AGBL1: variants seen among roughly 807,000 people sequenced by gnomAD.
AGBL1 encodes cytosolic carboxypeptidase 4.
In AGBL1, 130 loss-of-function variants were observed where a neutral mutation model predicts 118.9. The ratio of observed to expected loss-of-function variants is 1.09; its 90% CI spans 0.95 to 1.26. The LOEUF is 1.26. Ranked by LOEUF, AGBL1 falls within the 50% of genes most tolerant of loss-of-function variation. The pLI is 0.00. For missense variants in AGBL1, 1,584 were observed against 1,298.1 expected, an observed-to-expected ratio of 1.22 and a Z score of -3.38; for synonymous variants, 555 against 478.9, an observed-to-expected ratio of 1.16 and a Z score of -2.08.
intron 1 of AGBL1, among the ~76,000 whole-genome samples, chr15:86,134,334 G>A (rs113078700): frequency 5.8e-4 from 88 of 152,300 alleles, no homozygotes; most frequent in Non-Finnish European, 1.1e-3. Flanking sequence ...TATGAGCTGT[G>A]TCCTGAGCTC....
chr15:86,854,458 C>G (rs2079450077), intron 22 of AGBL1, among the ~76,000 whole-genome samples: 1 of 152,082 alleles, frequency 6.6e-6, no homozygotes, highest in Non-Finnish European at 1.5e-5. Context: ...GACAGGAGGC[C>G]CAACTGGATG....
rs1231479239 is a variant in AGBL1, at chr15:86,196,872, C to CGCGCGT, written c.489-28037_489-28036insTGCGCG. On this transcript the variant is annotated intron_variant, in intron 5 of 22. Transcript: ENST00000614907. ...GCATATGCGAATGTGCACATGTGCG[C>CGCGCGT]GCGCGCGCACACACACACACACACA... Among the ~76,000 whole-genome samples, 295 of 92,532 alleles carry CGCGCGT rather than the reference C, an allele frequency of 3.2e-3. 1 individual carries two copies. Among genetic ancestry groups the CGCGCGT allele is most frequent in the African/African-American group, 0.014 (282 of 20,580 alleles). The allele number at this position is 92,532 out of a possible 152,430, so 60.7% of individuals were successfully genotyped here.
chr15:86,123,701 T>C (rs140263855), intron 1 of AGBL1, among the ~76,000 whole-genome samples: 74 of 152,344 alleles, frequency 4.9e-4, no homozygotes, highest in African/African-American at 1.7e-3. Flanking sequence ...AACCAATGTA[T>C]ATCTTACATG....
chr15:86,972,498 A>AG lies in AGBL1; in HGVS notation c.3222-15489_3222-15488insG, dbSNP rs1313435833. Among the ~76,000 whole-genome samples the AG allele has an allele frequency of 1.1e-4, 16 of 152,130 alleles. No individual in the cohort carries two copies. In the East Asian group the frequency reaches 2.3e-3, roughly 22 times the overall value. ...CGTTTTTTATTTACTGAAATTATTAAATTTATAACTTCTGATTTGAAAATA... is the reference window on the plus strand; with the variant it reads ...CGTTTTTTATTTACTGAAATTATTAAGATTTATAACTTCTGATTTGAAAATA... On this transcript the variant is annotated intron_variant, in intron 23 of 24. Coordinates refer to the AGBL1 transcript ENST00000441037.
At chr15:86,657,146 A>T (rs1011036548) in intron 21 of AGBL1, among the ~76,000 whole-genome samples, 2 of 152,118 alleles carry the variant, frequency 1.3e-5, no homozygotes, top group Non-Finnish European at 2.9e-5. Context: ...ACTGTCTACC[A>T]TGCCCCTTCC....
rs145301684 is a variant in AGBL1, at chr15:86,103,435, C to T, written c.51+23412C>T. On this transcript the variant is annotated intron_variant, in intron 1 of 22. Coordinates refer to ENST00000614907, the MANE Select transcript of AGBL1 (RefSeq NM_001386094.1). ...CCTTGCTTTTTCATGTTTCGTTTGT[C>T]CTTATGTTGATATCTGCGCATCTGG... Among the ~76,000 whole-genome samples, 10 of 152,030 alleles carry T rather than the reference C, an allele frequency of 6.6e-5. No homozygotes were observed. The East Asian group carries it at 1.9e-3, about 29-fold the overall frequency.
intron 22 of AGBL1, among the ~76,000 whole-genome samples, chr15:86,772,125 A>C (rs72750011): frequency 0.033 from 5,073 of 152,120 alleles, 128 homozygotes; most frequent in Non-Finnish European, 0.051. Context: ...TCTGCCCAGC[A>C]TCTCCTTCAG....
At chr15:86,662,148 G>T (rs978605793) in intron 21 of AGBL1, among the ~76,000 whole-genome samples, 1 of 152,138 alleles carries the variant, frequency 6.6e-6, no homozygotes, top group African/African-American at 2.4e-5. Flanking sequence ...GCAAAACTAA[G>T]CAAAGATGAG....
chr15:86,194,473 A>G (rs1880445170), intron 5 of AGBL1, among the ~76,000 whole-genome samples: 1 of 152,186 alleles, frequency 6.6e-6, no homozygotes, highest in South Asian at 2.1e-4. Context: ...TTTCCAATCC[A>G]GAATGCTGTT....
At chr15:86,101,687 G>C (rs1896731116) in intron 1 of AGBL1, among the ~76,000 whole-genome samples, 1 of 148,094 alleles carries the variant, frequency 6.8e-6, no homozygotes, top group Non-Finnish European at 1.5e-5. Context: ...TATAAGTATA[G>C]CTACTGCTGT....
At chr15:86,219,739 C>A (rs1197960067) in intron 5 of AGBL1, among the ~76,000 whole-genome samples, 8 of 152,080 alleles carry the variant, frequency 5.3e-5, no homozygotes, top group Admixed American at 2.0e-4. Context: ...AAGTTGTTTG[C>A]CTCATTGGCT....
chr15:86,680,536 CT>C (rs1398404077), intron 22 of AGBL1, among the ~76,000 whole-genome samples: 3 of 127,038 alleles, frequency 2.4e-5, no homozygotes, highest in African/African-American at 8.7e-5. Flanking sequence ...TTTTCTTTTT[CT>C]TTTCTTTTTT....
At chr15:86,965,261 G>A (rs570708777) in intron 23 of AGBL1, among the ~76,000 whole-genome samples, 10 of 152,160 alleles carry the variant, frequency 6.6e-5, no homozygotes, top group Non-Finnish European at 8.8e-5. Flanking sequence ...GTCTAAAAGC[G>A]TTTCTATTTC....
chr15:86,430,338 A>G (rs1300152643), intron 18 of AGBL1, among the ~76,000 whole-genome samples: 1 of 151,994 alleles, frequency 6.6e-6, no homozygotes, highest in Non-Finnish European at 1.5e-5. Flanking sequence ...CTACTAAAAT[A>G]CAAAAAATTA....
At chr15:86,346,964 T>G (rs935914964) in intron 17 of AGBL1, among the ~76,000 whole-genome samples, 2 of 152,200 alleles carry the variant, frequency 1.3e-5, no homozygotes, top group Admixed American at 1.3e-4. Context: ...CATCTGATGC[T>G]TCGTTTACAC....
intron 21 of AGBL1, among the ~76,000 whole-genome samples, chr15:86,582,492 C>A (rs1230774728): frequency 1.3e-5 from 2 of 152,060 alleles, no homozygotes; most frequent in Admixed American, 1.3e-4. Context: ...TAGCATTTGA[C>A]CCAGCCATCC....
At chr15:86,677,487 G>A (rs1039537343) in intron 22 of AGBL1, among the ~76,000 whole-genome samples, 26 of 152,108 alleles carry the variant, frequency 1.7e-4, no homozygotes, top group African/African-American at 5.1e-4. Context: ...AGGAGGAGCC[G>A]TTTATCCATT....
chr15:86,351,303 C>T lies in AGBL1; in HGVS notation c.2375-46063C>T, dbSNP rs187340194. On this transcript the variant is annotated intron_variant, in intron 17 of 22. Transcript: ENST00000614907. Reference sequence around the variant, plus strand: ...CACTCCTATGATAACAGCATTAATCCATTAATGAGGGCAAAGTCCTTATGG... The same window carrying T: ...CACTCCTATGATAACAGCATTAATCTATTAATGAGGGCAAAGTCCTTATGG... 2.6e-5 allele frequency among the ~76,000 whole-genome samples: 4 copies of T among 152,224 alleles called. No individual in the cohort carries two copies. In the East Asian group the frequency reaches 7.7e-4, roughly 29 times the overall value.
intron 23 of AGBL1, among the ~76,000 whole-genome samples, chr15:86,964,001 C>T (rs1453532165): frequency 6.8e-6 from 1 of 146,458 alleles, no homozygotes; most frequent in Non-Finnish European, 1.5e-5. Context: ...AAGATCTGAG[C>T]CAGGAAACTC....
Sources: gnomAD v4.1 joint callset for allele counts (sites outside exome capture counted in the v4.1 genomes callset) on GRCh38, gnomAD v4.1.1 for gene constraint, MANE v1.5 for transcripts, NCBI Gene and HGNC (gene_info 2026-07-23, HGNC 2026-07-21) for gene names.